SKIC8: variants seen among roughly 807,000 people sequenced by gnomAD.
SKIC8 encodes the protein SKI8 subunit of superkiller complex.
At chr15:78,294,558 A>G in the SKIC8 span, 1 of 214,694 alleles carries the variant, frequency 4.7e-6, no homozygotes, top group Non-Finnish European at 9.4e-6. Context: ...TTAAGGGCCA[A>G]AGCAAGTTCT....
the SKIC8 span, chr15:78,292,395 C>T: frequency 1.6e-3 from 882 of 537,826 alleles, 12 homozygotes; most frequent in African/African-American, 0.015. Context: ...TATTTATCTC[C>T]CTTAGTGTAA....
the SKIC8 span, chr15:78,296,000 T>C: frequency 9.4e-6 from 3 of 320,080 alleles, no homozygotes; most frequent in Non-Finnish European, 1.7e-5. Flanking sequence ...GTCTCTGTCC[T>C]TTCCTGCTCT....
chr15:78,290,417 C>T, the SKIC8 span: 1 of 260,014 alleles, frequency 3.8e-6, no homozygotes, highest in East Asian at 8.6e-5. Flanking sequence ...TGAAAACAAA[C>T]ACTTACCATG....
chr15:78,285,133 T>C, the SKIC8 span: 4 of 802,084 alleles, frequency 5.0e-6, no homozygotes, highest in African/African-American at 1.7e-5. Flanking sequence ...ACTGAGCAGA[T>C]AGAGCAGCTC....
At chr15:78,295,422 C>G in the SKIC8 span, 3 of 270,842 alleles carry the variant, frequency 1.1e-5, no homozygotes, top group Admixed American at 6.4e-5. Context: ...TTTTTTTGTA[C>G]AACATCTTTT....
chr15:78,295,953 G>T, the SKIC8 span: 1 of 389,922 alleles, frequency 2.6e-6, no homozygotes, highest in Non-Finnish European at 4.5e-6. Context: ...CTATCCCATG[G>T]TTTCTTCACC....
the SKIC8 span, chr15:78,299,572 C>T: frequency 6.6e-6 from 1 of 152,408 alleles, no homozygotes; most frequent in African/African-American, 2.4e-5. Flanking sequence ...CACTGCACTG[C>T]CAGGCTGCAC....
the SKIC8 span, among the ~76,000 whole-genome samples, chr15:78,296,731 G>A: frequency 6.6e-6 from 1 of 152,096 alleles, no homozygotes; most frequent in African/African-American, 2.4e-5. Context: ...TTGAACTCCT[G>A]GGCTCAAGCA....
chr15:78,289,898 G>C, the SKIC8 span: 1 of 1,593,902 alleles, frequency 6.3e-7, no homozygotes, highest in Admixed American at 1.7e-5. Context: ...GCAACAGGCT[G>C]GAAGGGTAAA....
At chr15:78,293,493 G>T in the SKIC8 span, 20 of 488,362 alleles carry the variant, frequency 4.1e-5, no homozygotes, top group Non-Finnish European at 7.3e-5. Flanking sequence ...CAGGCGACAA[G>T]GTAGTACTTC....
chr15:78,295,159 GA>G, the SKIC8 span: 4 of 642,286 alleles, frequency 6.2e-6, no homozygotes, highest in Non-Finnish European at 5.3e-6. Flanking sequence ...AGTCATATCA[GA>G]AAAAAATTCT....
At chr15:78,296,693 G>A in the SKIC8 span, among the ~76,000 whole-genome samples, 1 of 152,042 alleles carries the variant, frequency 6.6e-6, no homozygotes, top group Non-Finnish European at 1.5e-5. Flanking sequence ...TGTAGAGATG[G>A]GGTCTCCCTA....
At chr15:78,292,937 C>T in the SKIC8 span, 2 of 1,033,882 alleles carry the variant, frequency 1.9e-6, no homozygotes, top group South Asian at 1.7e-5. Flanking sequence ...ACACCAAATG[C>T]TGCCAGGTTT....
the SKIC8 span, among the ~76,000 whole-genome samples, chr15:78,298,099 C>T: frequency 2.6e-5 from 4 of 152,040 alleles, no homozygotes; most frequent in African/African-American, 9.7e-5. Context: ...GTAGGAAAGA[C>T]AGGAAAGTGC....
the SKIC8 span, chr15:78,290,093 G>A: frequency 6.2e-7 from 1 of 1,613,016 alleles, no homozygotes; most frequent in East Asian, 2.2e-5. Flanking sequence ...CAAAGTCCAG[G>A]CATCCACTGA....
chr15:78,288,452 G>GC, the SKIC8 span: 1 of 1,460,356 alleles, frequency 6.8e-7, no homozygotes, highest in Non-Finnish European at 9.5e-7. Context: ...CACTGACAAT[G>GC]CCCCTTTTAA....
the SKIC8 span, chr15:78,295,722 A>G: frequency 2.0e-5 from 30 of 1,525,310 alleles, no homozygotes; most frequent in Non-Finnish European, 2.4e-5. Flanking sequence ...AAGGCCAGAC[A>G]GCTCTGTGGA....
the SKIC8 span, chr15:78,294,841 A>G: frequency 7.7e-7 from 1 of 1,305,208 alleles, no homozygotes; most frequent in African/African-American, 1.5e-5. Flanking sequence ...CTGCAAAGTG[A>G]GTATACTTGA....
chr15:78,289,816 G>C, the SKIC8 span: 1 of 1,515,372 alleles, frequency 6.6e-7, no homozygotes, highest in Non-Finnish European at 9.1e-7. Context: ...GGTCTAACTG[G>C]CTACTTGGCA....
Sources: gnomAD v4.1 joint callset for allele counts (sites outside exome capture counted in the v4.1 genomes callset) on GRCh38, gnomAD v4.1.1 for gene constraint, MANE v1.5 for transcripts, NCBI Gene and HGNC (gene_info 2026-07-23, HGNC 2026-07-21) for gene names.